Variants in GRM7 observed in about 807,000 individuals in gnomAD.
GRM7 encodes the protein glutamate metabotropic receptor 7.
A neutral mutation model predicts 84.5 loss-of-function variants in GRM7; 35 were observed. The observed-to-expected ratio is 0.41, with a 90% CI of 0.32 to 0.55. The LOEUF (loss-of-function observed/expected upper bound fraction) is 0.55. GRM7 is among the 20% of genes least tolerant of loss of function. GRM7 has a pLI of 0.19. For missense variants in GRM7, 1,003 were observed against 1,194.6 expected, an observed-to-expected ratio of 0.84 and a Z score of 2.36; for synonymous variants, 487 against 455.1, an observed-to-expected ratio of 1.07 and a Z score of -0.89.
chr3:7,505,617 G>A (rs1166427512), intron 7 of GRM7, among the ~76,000 whole-genome samples: 1 of 152,218 alleles, frequency 6.6e-6, no homozygotes, highest in African/African-American at 2.4e-5. Flanking sequence ...AGAGCCACAT[G>A]AACACTGCCA....
intron 9 of GRM7, among the ~76,000 whole-genome samples, chr3:7,723,371 C>T (rs1702019206): frequency 6.6e-6 from 1 of 152,172 alleles, no homozygotes. Context: ...CTCTGTAAGA[C>T]CCCTGCTAAA....
chr3:6,876,640 C>T (rs143191336), intron 1 of GRM7, among the ~76,000 whole-genome samples: 164 of 129,248 alleles, frequency 1.3e-3, no homozygotes, highest in African/African-American at 4.4e-3. Context: ...CTCGCTGTAT[C>T]GCCCAGGCTG....
At chr3:7,582,481 T>C (rs1274736237) in intron 8 of GRM7, among the ~76,000 whole-genome samples, 2 of 152,140 alleles carry the variant, frequency 1.3e-5, no homozygotes, top group African/African-American at 4.8e-5. Context: ...CTCAAAGGTC[T>C]TCCTTTGTGT....
At chr3:7,556,949 G>A (rs1342345086) in intron 7 of GRM7, among the ~76,000 whole-genome samples, 2 of 152,162 alleles carry the variant, frequency 1.3e-5, no homozygotes, top group African/African-American at 4.8e-5. Context: ...TGCAGCATGT[G>A]GCATGAGGCA....
At chr3:7,208,922 C>T (rs1311151421) in intron 2 of GRM7, among the ~76,000 whole-genome samples, 1 of 152,138 alleles carries the variant, frequency 6.6e-6, no homozygotes, top group Non-Finnish European at 1.5e-5. Context: ...TCCACAAGTT[C>T]AGTAATACTG....
At chr3:7,529,650 A>G (rs1700951133) in intron 7 of GRM7, among the ~76,000 whole-genome samples, 1 of 152,090 alleles carries the variant, frequency 6.6e-6, no homozygotes. Flanking sequence ...GATTCCCTGA[A>G]TGCATGAACA....
At position 7,667,762 on chromosome 3, in the gene GRM7, A is replaced by G. The variant is rs2031058; in HGVS notation, c.2452-12287A>G. On this transcript the variant is annotated intron_variant, in intron 8 of 9. Coordinates refer to ENST00000357716, the MANE Select transcript of GRM7 (RefSeq NM_000844.4). The stretch of plus-strand genomic sequence containing the variant: ...CTAAAGAAGGGTAGGTTTTAAAAAT[A>G]TTTATTGATAATTTCTTTAAAACTC... 8.9e-3 allele frequency among the ~76,000 whole-genome samples: 1,345 copies of G among 151,718 alleles called. 24 individuals carry two copies. In the East Asian group the frequency reaches 0.091, roughly 10 times the overall value.
intron 7 of GRM7, among the ~76,000 whole-genome samples, chr3:7,530,306 T>A (rs558440537): frequency 1.4e-3 from 214 of 152,156 alleles, no homozygotes; most frequent in Non-Finnish European, 2.5e-3. Context: ...ATTCCCTATG[T>A]TGTATATGTG....
chr3:7,643,108 C>T (rs948348448), intron 8 of GRM7, among the ~76,000 whole-genome samples: 1 of 152,128 alleles, frequency 6.6e-6, no homozygotes, highest in Non-Finnish European at 1.5e-5. Context: ...GTTCAACATG[C>T]AGATCCCTAT....
intron 7 of GRM7, among the ~76,000 whole-genome samples, chr3:7,481,318 G>C (rs983269903): frequency 3.3e-4 from 50 of 152,102 alleles, no homozygotes; most frequent in African/African-American, 1.2e-3. Flanking sequence ...GCTCAAGTGG[G>C]CTCTTGAACT....
At chr3:6,991,439 T>A (rs1309264196) in intron 1 of GRM7, among the ~76,000 whole-genome samples, 1 of 152,118 alleles carries the variant, frequency 6.6e-6, no homozygotes, top group African/African-American at 2.4e-5. Flanking sequence ...AAATTTAGTA[T>A]TCGAAGCAAA....
intron 4 of GRM7, among the ~76,000 whole-genome samples, chr3:7,320,719 T>TGTGTGTGCGC (rs910693056): frequency 2.0e-5 from 3 of 151,232 alleles, no homozygotes; most frequent in African/African-American, 7.3e-5. Flanking sequence ...TGTGTGTGTG[T>TGTGTGTGCGC]GCAACTTCTT....
intron 1 of GRM7, among the ~76,000 whole-genome samples, chr3:6,988,474 T>A (rs1172488020): frequency 6.6e-6 from 1 of 152,164 alleles, no homozygotes; most frequent in South Asian, 2.1e-4. Flanking sequence ...ATGCATTTGC[T>A]TTTCTACTGA....
chr3:7,645,305 T>G (rs559123920), intron 8 of GRM7, among the ~76,000 whole-genome samples: 57 of 152,104 alleles, frequency 3.7e-4, no homozygotes, highest in African/African-American at 1.3e-3. Context: ...TCCCAGCACT[T>G]TGGGAGGCCA....
intron 8 of GRM7, among the ~76,000 whole-genome samples, chr3:7,651,141 C>A (rs1421788216): frequency 6.6e-6 from 1 of 152,126 alleles, no homozygotes; most frequent in African/African-American, 2.4e-5. Flanking sequence ...GTTCAGGGAC[C>A]CAAAGGGTTT....
intron 1 of GRM7, among the ~76,000 whole-genome samples, chr3:6,951,507 C>T (rs570296193): frequency 6.6e-6 from 1 of 152,092 alleles, no homozygotes; most frequent in Admixed American, 6.6e-5. Flanking sequence ...TAGTTTAAAA[C>T]AGTTTTAATT....
intron 1 of GRM7, among the ~76,000 whole-genome samples, chr3:7,001,188 G>T (rs570149656): frequency 3.3e-5 from 5 of 152,126 alleles, no homozygotes; most frequent in Admixed American, 2.0e-4. Flanking sequence ...TCCACAAAAA[G>T]ATTTTTTTAA....
At chr3:7,202,095 A>C (rs1173157158) in intron 2 of GRM7, among the ~76,000 whole-genome samples, 3 of 151,958 alleles carry the variant, frequency 2.0e-5, no homozygotes, top group Non-Finnish European at 4.4e-5. Context: ...CTCCAGTAGC[A>C]TTTTTGGCTA....
rs191608524 is a variant in GRM7 at position 7,663,936 on chromosome 3, G to A, written c.2452-16113G>A. On this transcript the variant is annotated intron_variant, in intron 8 of 9. Coordinates refer to ENST00000357716, the MANE Select transcript of GRM7 (RefSeq NM_000844.4). ...CACCAGAGACATGTCTGTTAACACT[G>A]CGCCTTAATGCAAACTTTGGACTCG... Among the ~76,000 whole-genome samples, 424 of 152,292 alleles carry A rather than the reference G, an allele frequency of 2.8e-3. 7 individuals are homozygous for A. Among genetic ancestry groups the A allele is most frequent in the Middle Eastern group, 0.017 (5 of 294 alleles).
Sources: allele counts gnomAD v4.1 joint callset (sites outside exome capture counted in the v4.1 genomes callset), GRCh38; gene constraint gnomAD v4.1.1; transcripts MANE v1.5; gene names NCBI Gene and HGNC (gene_info 2026-07-23, HGNC 2026-07-21).